MSRA: variants seen among roughly 807,000 people sequenced by gnomAD.
MSRA encodes methionine sulfoxide reductase A.
MSRA carries 54 observed loss-of-function variants against 31.3 expected under a neutral mutation model. The observed-to-expected ratio is 1.73, with a 90% CI of 1.39 to 2.17. MSRA has a LOEUF of 2.17. Ranked by LOEUF, MSRA falls within the 30% of genes most tolerant of loss-of-function variation. The probability of loss-of-function intolerance (pLI) is 0.00; values close to 1 mark genes in which losing one functional copy is unlikely to be tolerated. For synonymous variants in MSRA, 169 were observed against 116.5 expected, an observed-to-expected ratio of 1.45 and a Z score of -2.90; for missense variants, 507 against 300.9, an observed-to-expected ratio of 1.69 and a Z score of -5.07.
intron 1 of MSRA, among the ~76,000 whole-genome samples, chr8:10,181,047 C>G (rs987475012): frequency 6.6e-6 from 1 of 152,192 alleles, no homozygotes; most frequent in African/African-American, 2.4e-5. Flanking sequence ...TTATTGAACT[C>G]TAGGCACTAT....
chr8:10,205,716 G>T (rs1002281648), intron 1 of MSRA, among the ~76,000 whole-genome samples: 1 of 152,158 alleles, frequency 6.6e-6, no homozygotes, highest in African/African-American at 2.4e-5. Flanking sequence ...AAAAATAAAT[G>T]TCTTGCATAG....
At chr8:10,115,064 G>T (rs1258724958) in intron 1 of MSRA, among the ~76,000 whole-genome samples, 1 of 152,178 alleles carries the variant, frequency 6.6e-6, no homozygotes, top group Admixed American at 6.5e-5. Flanking sequence ...GAACAAAAGA[G>T]AAGTCCCAGG....
chr8:10,148,272 C>T (rs576527823), intron 1 of MSRA, among the ~76,000 whole-genome samples: 2 of 150,540 alleles, frequency 1.3e-5, no homozygotes, highest in South Asian at 2.1e-4. Context: ...ATGCACCCTG[C>T]TTTAATTTTT....
At chr8:10,104,760 C>T (rs1455722441) in intron 1 of MSRA, among the ~76,000 whole-genome samples, 2 of 152,170 alleles carry the variant, frequency 1.3e-5, no homozygotes, top group East Asian at 3.9e-4. Context: ...GAGGCATGTC[C>T]AACCCCCCTT....
At chr8:10,119,437 C>T (rs1800942744) in intron 1 of MSRA, among the ~76,000 whole-genome samples, 1 of 152,158 alleles carries the variant, frequency 6.6e-6, no homozygotes, top group Admixed American at 6.5e-5. Flanking sequence ...GATTAAGTCC[C>T]AGGCTTGGGA....
chr8:10,124,327 G>A (rs2129019732), intron 1 of MSRA, among the ~76,000 whole-genome samples: 1 of 152,282 alleles, frequency 6.6e-6, no homozygotes, highest in African/African-American at 2.4e-5. Context: ...AATGGCATGG[G>A]CCTCAAAGGG....
At chr8:10,080,137 A>G (rs1205788792) in intron 1 of MSRA, among the ~76,000 whole-genome samples, 3 of 152,160 alleles carry the variant, frequency 2.0e-5, no homozygotes, top group Non-Finnish European at 4.4e-5. Context: ...AGGCAAAGGC[A>G]GAGAAAGAAG....
intron 1 of MSRA, among the ~76,000 whole-genome samples, chr8:10,134,127 C>G (rs142830383): frequency 6.6e-6 from 1 of 152,110 alleles, no homozygotes; most frequent in Non-Finnish European, 1.5e-5. Context: ...CCACTGTGCC[C>G]GGCCTGGATC....
chr8:10,378,885 T>C (rs1805898394), intron 5 of MSRA, among the ~76,000 whole-genome samples: 1 of 152,160 alleles, frequency 6.6e-6, no homozygotes, highest in Non-Finnish European at 1.5e-5. Flanking sequence ...TAAAACCATA[T>C]CTTATTAAAA....
At chr8:10,368,052 C>G (rs915696569) in intron 5 of MSRA, among the ~76,000 whole-genome samples, 1 of 152,056 alleles carries the variant, frequency 6.6e-6, no homozygotes, top group East Asian at 1.9e-4. Context: ...TTCCCTGCCC[C>G]GCGAAGGAAT....
At chr8:10,345,395 A>G (rs1245736396) in intron 5 of MSRA, among the ~76,000 whole-genome samples, 1 of 152,168 alleles carries the variant, frequency 6.6e-6, no homozygotes, top group Admixed American at 6.5e-5. Flanking sequence ...TTTCTAACTG[A>G]GTGTGTGATC....
chr8:10,407,279 G>C (rs1807877937), intron 5 of MSRA, among the ~76,000 whole-genome samples: 1 of 152,208 alleles, frequency 6.6e-6, no homozygotes, highest in Admixed American at 6.5e-5. Context: ...CTCACCATCA[G>C]ACTTTCATCA....
intron 3 of MSRA, among the ~76,000 whole-genome samples, chr8:10,254,023 G>A (rs993806871): frequency 1.3e-5 from 2 of 152,102 alleles, no homozygotes; most frequent in African/African-American, 4.8e-5. Flanking sequence ...TCCTGGGGCC[G>A]TGCCTCCGAT....
intron 1 of MSRA, chr8:10,096,180 C>T (rs1799145348): frequency 2.4e-6 from 3 of 1,250,098 alleles, no homozygotes; most frequent in South Asian, 3.3e-5. Flanking sequence ...TTTAAGAAAA[C>T]GTTTTCTTAA....
At chr8:10,374,342 G>A (rs1425914799) in intron 5 of MSRA, among the ~76,000 whole-genome samples, 1 of 152,164 alleles carries the variant, frequency 6.6e-6, no homozygotes, top group Non-Finnish European at 1.5e-5. Flanking sequence ...GCGGGAGTGG[G>A]AAGACCCCTT....
intron 5 of MSRA, among the ~76,000 whole-genome samples, chr8:10,395,802 G>A (rs1215672606): frequency 6.6e-6 from 1 of 152,160 alleles, no homozygotes; most frequent in Non-Finnish European, 1.5e-5. Flanking sequence ...AGCTACAGAT[G>A]TCCCATCTTC....
chr8:10,096,038 C>G, intron 1 of MSRA: 10 of 1,447,806 alleles, frequency 6.9e-6, no homozygotes, highest in Non-Finnish European at 9.2e-6. Context: ...GGAATGTGTT[C>G]AGAACGTAAG....
chr8:10,110,666 G>C (rs549538376), intron 1 of MSRA, among the ~76,000 whole-genome samples: 2 of 152,306 alleles, frequency 1.3e-5, no homozygotes, highest in African/African-American at 4.8e-5. Flanking sequence ...TGTGTCAAAT[G>C]TCTTGATTTT....
At chr8:10,202,504 C>G in intron 1 of MSRA, among the ~76,000 whole-genome samples, 1 of 152,208 alleles carries the variant, frequency 6.6e-6, no homozygotes, top group East Asian at 1.9e-4. Flanking sequence ...TTTAAACCAG[C>G]AATGGCAAAA....
Sources: gnomAD v4.1 joint callset for allele counts (sites outside exome capture counted in the v4.1 genomes callset) on GRCh38, gnomAD v4.1.1 for gene constraint, MANE v1.5 for transcripts, NCBI Gene and HGNC (gene_info 2026-07-23, HGNC 2026-07-21) for gene names.